The following MGMT variants were observed in gnomAD, a reference collection of about 807,000 sequenced individuals.
MGMT encodes O-6-methylguanine-DNA methyltransferase.
In MGMT, 14 loss-of-function variants were observed where a neutral mutation model predicts 15.9. That is an observed-to-expected ratio of 0.88 (90% CI 0.58 to 1.37). The LOEUF (loss-of-function observed/expected upper bound fraction) is 1.37, where lower values mean the gene tolerates loss of function less well. MGMT is among the 40% of genes most tolerant of loss of function. MGMT has a pLI of 0.00. For missense variants in MGMT, 282 were observed against 268.1 expected, an observed-to-expected ratio of 1.05 and a Z score of -0.36; for synonymous variants, 130 against 118.2, an observed-to-expected ratio of 1.10 and a Z score of -0.65.
chr10:129,620,057 G>A (rs1847073715), intron 2 of MGMT, among the ~76,000 whole-genome samples: 1 of 152,222 alleles, frequency 6.6e-6, no homozygotes, highest in Non-Finnish European at 1.5e-5. Context: ...ACCCCAGGCT[G>A]TGTGTCTTTG....
chr10:129,716,246 C>T (rs535762022), intron 3 of MGMT, among the ~76,000 whole-genome samples: 12 of 152,176 alleles, frequency 7.9e-5, no homozygotes, highest in Non-Finnish European at 1.3e-4. Flanking sequence ...GTATTGGTAA[C>T]GCCCAGGAAG....
Position 129,759,240 on chromosome 10 carries a change from G to T in MGMT, c.313G>T (p.Val105Phe), listed in dbSNP as rs982730092. 2.5e-6 allele frequency: 4 copies of T among 1,613,872 alleles called. No homozygotes were observed. Among genetic ancestry groups the T allele is most frequent in the Non-Finnish European group, 3.4e-6 (4 of 1,180,050 alleles). Residue 105 changes from valine to phenylalanine, a missense_variant, in exon 4 of 5, where the codon GTT becomes TTT. Physicochemically the swap from Val to Phe is conservative, Grantham distance 50. Transcript: ENST00000651593. Reference protein sequence around the residue: ...TRQVLWKLLKVVKFGEVISYQ... With the variant: ...TRQVLWKLLKFVKFGEVISYQ... The stretch of plus-strand genomic sequence containing the variant: ...ACAGGTGTTATGGAAGCTGCTGAAG[G>T]TTGTGAAATTCGGAGAAGTGATTTC...
intron 2 of MGMT, among the ~76,000 whole-genome samples, chr10:129,631,116 C>T (rs1235735599): frequency 6.6e-6 from 1 of 151,730 alleles, no homozygotes; most frequent in East Asian, 1.9e-4. Flanking sequence ...TATTTTGTTT[C>T]TCAACTTTTA....
chr10:129,525,838 A>T (rs1178621315), intron 1 of MGMT, among the ~76,000 whole-genome samples: 3 of 152,128 alleles, frequency 2.0e-5, no homozygotes, highest in Admixed American at 2.0e-4. Flanking sequence ...GGTTCACAGA[A>T]CTTTAGCCAC....
intron 2 of MGMT, among the ~76,000 whole-genome samples, chr10:129,692,009 T>C (rs1589939786): frequency 6.6e-6 from 1 of 152,308 alleles, no homozygotes; most frequent in Non-Finnish European, 1.5e-5. Context: ...TACCTTGTTA[T>C]GGGAACTAGA....
chr10:129,612,339 T>A (rs1266987274), intron 2 of MGMT, among the ~76,000 whole-genome samples: 2 of 152,170 alleles, frequency 1.3e-5, no homozygotes, highest in African/African-American at 2.4e-5. Context: ...GCCGGAGAGG[T>A]ATAGCGAAGC....
chr10:129,519,586 G>A (rs1030544874), intron 1 of MGMT, among the ~76,000 whole-genome samples: 7 of 152,218 alleles, frequency 4.6e-5, no homozygotes, highest in African/African-American at 1.7e-4. Context: ...AGCCACCGGA[G>A]CATGTTGGGA....
At chr10:129,544,596 A>G (rs759282294) in intron 2 of MGMT, among the ~76,000 whole-genome samples, 1 of 152,016 alleles carries the variant, frequency 6.6e-6, no homozygotes, top group African/African-American at 2.4e-5. Flanking sequence ...GGCCCTCACT[A>G]CCCTGTTGCG....
At chr10:129,495,278 C>T (rs756672204) in intron 1 of MGMT, among the ~76,000 whole-genome samples, 5 of 152,148 alleles carry the variant, frequency 3.3e-5, no homozygotes, top group Admixed American at 1.3e-4. Context: ...GCAAAATAAA[C>T]GTAGTACCTA....
intron 2 of MGMT, among the ~76,000 whole-genome samples, chr10:129,620,213 G>A (rs1847076015): frequency 6.6e-6 from 1 of 152,126 alleles, no homozygotes; most frequent in South Asian, 2.1e-4. Flanking sequence ...GTTTTGATAG[G>A]GATTGTTTTT....
intron 2 of MGMT, 57 bp from the exon 3 acceptor site, chr10:129,707,838 C>T (rs1848182616): frequency 6.2e-7 from 1 of 1,604,080 alleles, no homozygotes; most frequent in Admixed American, 1.7e-5. Flanking sequence ...GTTTGCTTTT[C>T]CGATGTGTGG....
intron 1 of MGMT, among the ~76,000 whole-genome samples, chr10:129,521,431 C>T (rs1005650121): frequency 5.3e-5 from 8 of 152,162 alleles, no homozygotes; most frequent in African/African-American, 1.7e-4. Flanking sequence ...GAAGATTCTT[C>T]CAGATTACTG....
At position 129,705,088 on chromosome 10, in the gene MGMT, G is replaced by T. The variant is rs61874312; in HGVS notation, c.126-2807G>T. ...TGCCTCTCCTTAGCTTCTCCCTGCCGCCCCGTGGGCTTGGTCATGGTGTCA... is the reference window on the plus strand; with the variant it reads ...TGCCTCTCCTTAGCTTCTCCCTGCCTCCCCGTGGGCTTGGTCATGGTGTCA... On this transcript the variant is annotated intron_variant, in intron 2 of 4. Transcript: ENST00000651593. Among the ~76,000 whole-genome samples, 1,232 of 152,272 alleles carry T rather than the reference G, an allele frequency of 8.1e-3. 24 individuals are homozygous for T. The highest frequency in any genetic ancestry group is 0.024 in the Middle Eastern group (7 of 294).
rs925984702 is a variant in MGMT, at chr10:129,614,314, C to G, written c.125+77937C>G. 2.6e-5 allele frequency among the ~76,000 whole-genome samples: 4 copies of G among 152,172 alleles called. No individual in the cohort carries two copies. In the East Asian group the frequency reaches 5.8e-4, roughly 22 times the overall value. On this transcript the variant is annotated intron_variant, in intron 2 of 4. Transcript: ENST00000651593. The stretch of plus-strand genomic sequence containing the variant: ...AAAGCCTATTTTCTTAGAGCAAAAC[C>G]CGTTTCCCCCACACCTGATCGTCAC...
chr10:129,534,477 A>G (rs563084549), intron 1 of MGMT, among the ~76,000 whole-genome samples: 28 of 152,130 alleles, frequency 1.8e-4, no homozygotes, highest in African/African-American at 6.3e-4. Flanking sequence ...GTGACAGTTG[A>G]GGATTGAATC....
chr10:129,703,471 C>T, intron 2 of MGMT, among the ~76,000 whole-genome samples: 1 of 152,116 alleles, frequency 6.6e-6, no homozygotes. Context: ...TAGAATGCCC[C>T]CTCTCCCACA....
chr10:129,693,597 G>A (rs539489718), intron 2 of MGMT: 17 of 152,794 alleles, frequency 1.1e-4, no homozygotes, highest in African/African-American at 3.8e-4. Flanking sequence ...GTAGCAGTTT[G>A]GGACCAGAGC....
intron 3 of MGMT, among the ~76,000 whole-genome samples, chr10:129,713,725 A>T (rs1054519115): frequency 2.0e-5 from 3 of 152,102 alleles, no homozygotes; most frequent in African/African-American, 7.2e-5. Flanking sequence ...ACTGGTGGGG[A>T]TGGAGGTGGT....
In MGMT at chr10:129,664,082, G is replaced by A. The variant is rs11016859; in HGVS notation, c.126-43813G>A. ...CAATGAATATTAGTGAATAGATTCC[G>A]ACACCTCATTAGTAGTATAATATAC... On this transcript the variant is annotated intron_variant, in intron 2 of 4. Coordinates refer to ENST00000651593, the MANE Select transcript of MGMT (RefSeq NM_002412.5). Among the ~76,000 whole-genome samples the A allele has an allele frequency of 8.5e-5, 13 of 152,182 alleles. No individual in the cohort carries two copies. The East Asian group carries it at 1.7e-3, about 20-fold the overall frequency.
Sources: gnomAD v4.1 joint callset for allele counts (sites outside exome capture counted in the v4.1 genomes callset) on GRCh38, gnomAD v4.1.1 for gene constraint, MANE v1.5 for transcripts, NCBI Gene and HGNC (gene_info 2026-07-23, HGNC 2026-07-21) for gene names.